Variants in CNTN4 observed in about 807,000 individuals in gnomAD.
CNTN4 encodes contactin 4.
CNTN4 carries 77 observed loss-of-function variants against 122.5 expected under a neutral mutation model. The observed-to-expected ratio is 0.63, with a 90% CI of 0.52 to 0.76. CNTN4 has a LOEUF of 0.76. CNTN4 is among the 30% of genes least tolerant of loss of function. The pLI, the probability that CNTN4 is intolerant of heterozygous loss-of-function variation, is 0.00. For missense variants in CNTN4, 1,256 were observed against 1,259.1 expected (o/e 1.00, Z 0.04); for synonymous variants, 512 against 447.0 (o/e 1.15, Z -1.83).
At chr3:2,559,643 A>G (rs1399323875) in intron 3 of CNTN4, among the ~76,000 whole-genome samples, 1 of 152,194 alleles carries the variant, frequency 6.6e-6, no homozygotes, top group Non-Finnish European at 1.5e-5. Context: ...TGGGTGCAAA[A>G]GACAAGAAAA....
chr3:2,498,961 T>G (rs1280880841), intron 3 of CNTN4, among the ~76,000 whole-genome samples: 1 of 152,112 alleles, frequency 6.6e-6, no homozygotes, highest in African/African-American at 2.4e-5. Context: ...GGCTAATTTT[T>G]GTATTTTTAG....
chr3:2,835,098 G>T (rs1458071828), intron 7 of CNTN4, among the ~76,000 whole-genome samples: 1 of 151,110 alleles, frequency 6.6e-6, no homozygotes, highest in Non-Finnish European at 1.5e-5. Context: ...GTAGAGGCGG[G>T]GTTTCACCGT....
chr3:2,383,645 C>T (rs1313405294), intron 3 of CNTN4, among the ~76,000 whole-genome samples: 1 of 150,226 alleles, frequency 6.7e-6, no homozygotes, highest in Admixed American at 6.6e-5. Flanking sequence ...CCCTCTCCGC[C>T]ACTCTCTCTT....
At chr3:3,000,880 CTT>C (rs59337830) in intron 14 of CNTN4, among the ~76,000 whole-genome samples, 4,303 of 131,384 alleles carry the variant, frequency 0.033, 163 homozygotes, top group African/African-American at 0.11. Flanking sequence ...TTCTTTCTTT[CTT>C]TTTTTTTTTT....
intron 4 of CNTN4, among the ~76,000 whole-genome samples, chr3:2,611,574 C>T (rs1904393): frequency 0.27 from 41,723 of 152,040 alleles, 7,134 homozygotes; most frequent in Middle Eastern, 0.42. Context: ...GACTTAGATA[C>T]GTTCACACCA....
At chr3:2,961,995 G>A (rs2094865408) in intron 13 of CNTN4, among the ~76,000 whole-genome samples, 1 of 152,116 alleles carries the variant, frequency 6.6e-6, no homozygotes, top group Admixed American at 6.6e-5. Context: ...GGGGAAAATA[G>A]ACTTGTCAAA....
intron 7 of CNTN4, among the ~76,000 whole-genome samples, chr3:2,825,917 T>C (rs1428606469): frequency 6.6e-6 from 1 of 152,214 alleles, no homozygotes; most frequent in African/African-American, 2.4e-5. Context: ...AGTTGGATCC[T>C]ATCCACAGGG....
chr3:2,711,716 C>T (rs1481408752), intron 4 of CNTN4, among the ~76,000 whole-genome samples: 7 of 152,102 alleles, frequency 4.6e-5, no homozygotes, highest in African/African-American at 1.7e-4. Context: ...GTCTAGTCAC[C>T]CAACTGCTGA....
intron 4 of CNTN4, among the ~76,000 whole-genome samples, chr3:2,659,013 A>G (rs113826217): frequency 0.017 from 2,524 of 147,280 alleles, 78 homozygotes; most frequent in African/African-American, 0.06. Context: ...CACACACAGA[A>G]CTAACCTAAT....
intron 3 of CNTN4, among the ~76,000 whole-genome samples, chr3:2,340,710 T>TATATAGAGAGAGAGAGAGAGAGAG: frequency 5.5e-5 from 1 of 18,304 alleles, no homozygotes; most frequent in African/African-American, 1.0e-4. Context: ...TATATATATA[T>TATATAGAGAGAGAGAGAGAGAGAG]AGAGAGAGAG....
chr3:2,495,328 A>G (rs1471046710), intron 3 of CNTN4, among the ~76,000 whole-genome samples: 1 of 152,224 alleles, frequency 6.6e-6, no homozygotes, highest in Non-Finnish European at 1.5e-5. Flanking sequence ...TGTGTTTTGA[A>G]CTTCTTCAAG....
At chr3:2,982,037 CA>C (rs1462947013) in intron 13 of CNTN4, among the ~76,000 whole-genome samples, 1 of 151,890 alleles carries the variant, frequency 6.6e-6, no homozygotes, top group East Asian at 1.9e-4. Flanking sequence ...GACTCTGTCT[CA>C]AAAAACAAAA....
At chr3:2,775,810 A>G (rs1429478726) in intron 6 of CNTN4, among the ~76,000 whole-genome samples, 1 of 152,154 alleles carries the variant, frequency 6.6e-6, no homozygotes, top group Non-Finnish European at 1.5e-5. Context: ...CTTTTTTACT[A>G]AGCTATTGTC....
intron 2 of CNTN4, among the ~76,000 whole-genome samples, chr3:2,146,906 G>T (rs138084714): frequency 1.1e-4 from 16 of 151,768 alleles, no homozygotes; most frequent in Non-Finnish European, 2.4e-4. Context: ...TTTTTGAGAC[G>T]GAGGCTCACT....
At chr3:2,640,147 T>C (rs2082838211) in intron 4 of CNTN4, among the ~76,000 whole-genome samples, 1 of 152,206 alleles carries the variant, frequency 6.6e-6, no homozygotes. Flanking sequence ...TTGCTTTTCA[T>C]GCAAGCTTTG....
intron 4 of CNTN4, among the ~76,000 whole-genome samples, chr3:2,692,594 G>A (rs1050485085): frequency 1.3e-5 from 2 of 152,146 alleles, no homozygotes; most frequent in African/African-American, 4.8e-5. Flanking sequence ...TCCGGCAACA[G>A]TATATCATGA....
At chr3:2,944,305 CG>C (rs999839960) in intron 13 of CNTN4, among the ~76,000 whole-genome samples, 35 of 151,898 alleles carry the variant, frequency 2.3e-4, no homozygotes, top group Non-Finnish European at 4.9e-4. Context: ...ATTTCATTCT[CG>C]GAAGCACAAT....
At chr3:2,182,830 G>GTT (rs749749344) in intron 2 of CNTN4, among the ~76,000 whole-genome samples, 2 of 144,406 alleles carry the variant, frequency 1.4e-5, no homozygotes, top group Admixed American at 7.0e-5. Flanking sequence ...CTCAGCACAG[G>GTT]TTTTTTTTTT....
intron 2 of CNTN4, among the ~76,000 whole-genome samples, chr3:2,113,760 T>G (rs2033138429): frequency 6.6e-6 from 1 of 152,188 alleles, no homozygotes; most frequent in African/African-American, 2.4e-5. Context: ...AGACAATGCT[T>G]TGAAAATCAC....
Sources: allele counts gnomAD v4.1 joint callset (sites outside exome capture counted in the v4.1 genomes callset), GRCh38; gene constraint gnomAD v4.1.1; transcripts MANE v1.5; gene names NCBI Gene and HGNC (gene_info 2026-07-23, HGNC 2026-07-21).